FAM120AOS: variants seen among roughly 807,000 people sequenced by gnomAD.
FAM120AOS encodes the protein family with sequence similarity 120 member A opposite strand.
Under a neutral mutation model 20.2 loss-of-function variants are expected in FAM120AOS, and 15 were observed. That is an observed-to-expected ratio of 0.74 (90% CI 0.50 to 1.15). FAM120AOS has a LOEUF of 1.15. Ranked by LOEUF, FAM120AOS falls within the 50% of genes most tolerant of loss-of-function variation. The pLI is 0.00. For synonymous variants in FAM120AOS, 154 were observed against 154.0 expected, an observed-to-expected ratio of 1.00 and a Z score of 0.00; for missense variants, 327 against 351.9, an observed-to-expected ratio of 0.93 and a Z score of 0.57.
intron 2 of FAM120AOS, 136 bp downstream of exon 2, chr9:93,450,343 G>T: frequency 1.5e-6 from 2 of 1,310,756 alleles, no homozygotes; most frequent in African/African-American, 1.5e-5. Flanking sequence ...TTTATGCATA[G>T]GTGAGTGGCA....
chr9:93,452,697 T>C lies in FAM120AOS; in HGVS notation c.13A>G (p.Lys5Glu). Residue 5 changes from lysine (K) to glutamate (E), a missense_variant, in exon 1 of 3, where the codon AAG becomes GAG. By Grantham distance (56) the Lys-to-Glu change is moderately conservative. Coordinates refer to ENST00000375412, the MANE Select transcript of FAM120AOS (RefSeq NM_198841.4). This position sits in a 1 kb window ranked among gnomAD's most constrained non-coding sequence, Gnocchi z 7.0. MGKT[K>E]DIGDDDTVAS... ...ACAGTGTCATCATCCCCAATATCCTTAGTTTTTCCCATCCTATTTGAGGCG... is the reference window on the plus strand; with the variant it reads ...ACAGTGTCATCATCCCCAATATCCTCAGTTTTTCCCATCCTATTTGAGGCG... 1 of 1,598,542 alleles carries C rather than the reference T, an allele frequency of 6.3e-7. No individual in the cohort carries two copies. The highest frequency in any genetic ancestry group is 8.5e-7 in the Non-Finnish European group (1 of 1,179,860).
chr9:93,446,112 T>C lies in FAM120AOS; in HGVS notation c.*1499A>G, dbSNP rs1856838897. Among the ~76,000 whole-genome samples, 1 of 152,136 alleles carries C rather than the reference T, an allele frequency of 6.6e-6. No individual in the cohort carries two copies. Among genetic ancestry groups the C allele is most frequent in the Non-Finnish European group, 1.5e-5 (1 of 68,028 alleles). On this transcript the variant is annotated 3_prime_UTR_variant, in exon 3 of 3. Transcript: ENST00000375412. Reference sequence around the variant, plus strand: ...CTCTTGTTCCACCCTAAGGATAAAGTATTACAGTAACTTTCTTCCTGCCTT... The same window carrying C: ...CTCTTGTTCCACCCTAAGGATAAAGCATTACAGTAACTTTCTTCCTGCCTT...
At position 93,452,359 on chromosome 9, in the gene FAM120AOS, C is replaced by G; in HGVS notation, c.351G>C (p.Arg117=). 6.2e-7 allele frequency: 1 copy of G among 1,611,434 alleles called. No homozygotes were observed. Among genetic ancestry groups the G allele is most frequent in the Non-Finnish European group, 8.5e-7 (1 of 1,179,328 alleles). ...CGCCCGTCTGCATGGCCCACTGCAT[C>G]CGCCTGGCGCTCATCCGCTTCCACG... ...TLTWKRMSAR[R]MQWAMQTGGR... The change falls in exon 1 of 3, where the codon CGG becomes CGC. Residue 117 remains arginine (R), a synonymous_variant. Transcript: ENST00000375412. This position sits in a 1 kb window ranked among gnomAD's most constrained non-coding sequence, Gnocchi z 7.0.
rs1487722232 is a variant in FAM120AOS, at chr9:93,450,739, T to C, written c.564-140A>G. On this transcript the variant is annotated intron_variant, in intron 1 of 2. Transcript: ENST00000375412. The stretch of plus-strand genomic sequence containing the variant: ...ATGTTTTATGCAAGCCTAATATACA[T>C]ACAGTATCAACCTCATTTTAGAAGC... 3.8e-6 allele frequency: 5 copies of C among 1,314,980 alleles called. No homozygotes were observed. In the Admixed American group the frequency reaches 5.9e-5, roughly 16 times the overall value. The allele number at this position is 1,314,980 out of a possible 1,614,324, so 81.5% of individuals were successfully genotyped here.
rs183232505 is a variant in FAM120AOS, at chr9:93,452,961, C to T, written c.-252G>A. On this transcript the variant is annotated 5_prime_UTR_variant, in exon 1 of 3. Transcript: ENST00000375412. This position sits in a 1 kb window ranked among gnomAD's most constrained non-coding sequence, Gnocchi z 7.0. ...CAGTGCCCTGGCCTCTACTTCAGAA[C>T]GCAGTGCCCTGTCCGTGTTCCTCTT... is the stretch of plus-strand genomic sequence containing the variant. The T allele has an allele frequency of 7.3e-6, 10 of 1,375,244 alleles. No individual in the cohort carries two copies. In the South Asian group the frequency reaches 1.1e-4, roughly 16 times the overall value. 85.2% of individuals were successfully genotyped at this position (1,375,244 alleles called of 1,614,324 possible).
rs1375068584 is a variant in FAM120AOS, at chr9:93,452,648, G to A, written c.62C>T (p.Ala21Val). Residue 21 changes from alanine to valine, a missense_variant, in exon 1 of 3, where the codon GCT becomes GTT. By Grantham distance (64) the Ala-to-Val change is moderately conservative (BLOSUM62 0). Coordinates refer to ENST00000375412, the MANE Select transcript of FAM120AOS (RefSeq NM_198841.4). The surrounding 1 kb of genome is among the most constrained non-coding windows in gnomAD (Gnocchi z 7.0). ...DTVASEFWSG[A>V]LSQPSSVPTR... Reference sequence around the variant, plus strand: ...GGGGACACTTGAGGGCTGGGAGAGAGCCCCGGACCAGAATTCGGAGGCGAC... The same window carrying A: ...GGGGACACTTGAGGGCTGGGAGAGAACCCCGGACCAGAATTCGGAGGCGAC... 1.3e-6 allele frequency: 2 copies of A among 1,598,970 alleles called. No homozygotes were observed. The highest frequency in any genetic ancestry group is 1.7e-6 in the Non-Finnish European group (2 of 1,179,920).
rs773193469 is a variant in FAM120AOS at position 93,452,578 on chromosome 9, C to A, written c.132G>T (p.Trp44Cys). Residue 44 changes from tryptophan (W) to cysteine (C), a missense_variant, in exon 1 of 3, where the codon TGG becomes TGT. Physicochemically the swap from Trp to Cys is radical, Grantham distance 215. Around this residue, in one of 3 missense-constraint regions of FAM120AOS, gnomAD observed 155 missense variants for 128.8 expected, o/e 1.20. Coordinates refer to ENST00000375412, the MANE Select transcript of FAM120AOS (RefSeq NM_198841.4). The surrounding 1 kb of genome is among the most constrained non-coding windows in gnomAD (Gnocchi z 7.0). ...TPNRDSWRRA[W>C]AARGLHPRPS... is the part of the protein sequence containing the mutation. ...GCCGCGGGTGCAGGCCGCGCGCTGC[C>A]CAAGCCCGTCTCCAGCTGTCCCTGT... is the stretch of plus-strand genomic sequence containing the variant. 1 of 1,595,750 alleles carries A rather than the reference C, an allele frequency of 6.3e-7. No homozygotes were observed. The highest frequency in any genetic ancestry group is 1.7e-5 in the Admixed American group (1 of 59,330).
rs1856812254 is a variant in FAM120AOS, at chr9:93,445,366, A to G, written c.*2245T>C. On this transcript the variant is annotated 3_prime_UTR_variant, in exon 3 of 3. Transcript: ENST00000375412. The stretch of plus-strand genomic sequence containing the variant: ...GTTTCCCCATATTAAAGTCAAAGGA[A>G]CTATACTGTTTTCACTGCCAGGCTG... 6.6e-6 allele frequency among the ~76,000 whole-genome samples: 1 copy of G among 152,102 alleles called. No individual in the cohort carries two copies. The highest frequency in any genetic ancestry group is 2.4e-5 in the African/African-American group (1 of 41,416).
chr9:93,452,504 C>T lies in FAM120AOS; in HGVS notation c.206G>A (p.Gly69Glu). The change falls in exon 1 of 3, where the codon GGG becomes GAG. Residue 69 changes from glycine to glutamate, a missense_variant. Gly to Glu is a moderately conservative substitution (Grantham distance 98). Coordinates refer to ENST00000375412, the MANE Select transcript of FAM120AOS (RefSeq NM_198841.4). This position sits in a 1 kb window ranked among gnomAD's most constrained non-coding sequence, Gnocchi z 7.0. ...GPARLSRARA[G>E]GTRCPQRRHG... The stretch of plus-strand genomic sequence containing the variant: ...GCGGCGCTGGGGGCAGCGAGTTCCC[C>T]CAGCCCTTGCCCGGGATAGCCTGGC... 1 of 1,548,000 alleles carries T rather than the reference C, an allele frequency of 6.5e-7. No individual in the cohort carries two copies. The highest frequency in any genetic ancestry group is 1.9e-5 in the Admixed American group (1 of 51,766).
rs549690286 is a variant in FAM120AOS, at chr9:93,453,552, G to A, written c.-843C>T. 1.2e-5 allele frequency: 12 copies of A among 985,418 alleles called. No homozygotes were observed. In the South Asian group the frequency reaches 5.6e-4, roughly 46 times the overall value. The allele number at this position is 985,418 out of a possible 1,614,324, so 61.0% of individuals were successfully genotyped here. On this transcript the variant is annotated 5_prime_UTR_variant, in exon 1 of 3. Coordinates refer to ENST00000375412, the MANE Select transcript of FAM120AOS (RefSeq NM_198841.4). ...TTCTGTCTTCGCGGTTGCCCCCACT[G>A]CCCGCGAGGAGATGGTGGTAGTTAA...
At position 93,445,569 on chromosome 9, in the gene FAM120AOS, T is replaced by C. The variant is rs997084827; in HGVS notation, c.*2042A>G. Reference sequence around the variant, plus strand: ...AGTCTTAATCCTGGTTCTCCAACTTTCATAAAAATCGTTGTTTTTTTTTTT... The same window carrying C: ...AGTCTTAATCCTGGTTCTCCAACTTCCATAAAAATCGTTGTTTTTTTTTTT... On this transcript the variant is annotated 3_prime_UTR_variant, in exon 3 of 3. Transcript: ENST00000375412. 6.7e-6 allele frequency among the ~76,000 whole-genome samples: 1 copy of C among 149,190 alleles called. No homozygotes were observed. The highest frequency in any genetic ancestry group is 2.5e-5 in the African/African-American group (1 of 40,554).
At chr9:93,448,699 G>A (rs1048361847) in intron 2 of FAM120AOS, among the ~76,000 whole-genome samples, 1 of 152,000 alleles carries the variant, frequency 6.6e-6, no homozygotes, top group Non-Finnish European at 1.5e-5. Flanking sequence ...CTCACTGCAA[G>A]CTCCGCCTCC....
chr9:93,451,992 T>C, intron 1 of FAM120AOS, 155 bp downstream of exon 1: 1 of 1,548,428 alleles, frequency 6.5e-7, no homozygotes, highest in Non-Finnish European at 8.7e-7. Context: ...CTGCAGAAGC[T>C]GGCCCGGGGC....
At chr9:93,451,512 C>T in intron 1 of FAM120AOS, 1 of 1,007,124 alleles carries the variant, frequency 9.9e-7, no homozygotes, top group African/African-American at 1.7e-5. Flanking sequence ...CCGTCCCGGC[C>T]CAACTCCGGG....
rs549943912 is a variant in FAM120AOS, at chr9:93,445,002, G to A, written c.*2609C>T. ...GTGAATTTGTGGTATTAAATAAATG[G>A]AAAAAAAGACAAACGGTACAAATTA... is the stretch of plus-strand genomic sequence containing the variant. On this transcript the variant is annotated 3_prime_UTR_variant, in exon 3 of 3. Transcript: ENST00000375412. 2.0e-5 allele frequency among the ~76,000 whole-genome samples: 3 copies of A among 152,156 alleles called. No homozygotes were observed. The highest frequency in any genetic ancestry group is 7.2e-5 in the African/African-American group (3 of 41,534).
In FAM120AOS at chr9:93,452,700, T is replaced by A. The variant is rs1268879431; in HGVS notation, c.10A>T (p.Thr4Ser). Residue 4 changes from threonine to serine, a missense_variant, in exon 1 of 3, where the codon ACT becomes TCT. By Grantham distance (58) the Thr-to-Ser change is moderately conservative. Coordinates refer to ENST00000375412, the MANE Select transcript of FAM120AOS (RefSeq NM_198841.4). The surrounding 1 kb of genome is among the most constrained non-coding windows in gnomAD (Gnocchi z 7.0). MGK[T>S]KDIGDDDTVA... is the part of the protein sequence containing the mutation. The stretch of plus-strand genomic sequence containing the variant: ...GTGTCATCATCCCCAATATCCTTAG[T>A]TTTTCCCATCCTATTTGAGGCGGGC... 1 of 1,598,362 alleles carries A rather than the reference T, an allele frequency of 6.3e-7. No homozygotes were observed. Among genetic ancestry groups the A allele is most frequent in the South Asian group, 1.1e-5 (1 of 91,078 alleles).
rs755033894 is a variant in FAM120AOS, at chr9:93,447,468, T to C, written c.*143A>G. 1.3e-6 allele frequency: 1 copy of C among 758,394 alleles called. No homozygotes were observed. The highest frequency in any genetic ancestry group is 2.2e-6 in the Non-Finnish European group (1 of 450,266). 47.0% of individuals were successfully genotyped at this position (758,394 alleles called of 1,614,324 possible). A position where few individuals can be genotyped will look rare whatever the true frequency, so the allele number is the denominator to read the frequency against. On this transcript the variant is annotated 3_prime_UTR_variant, in exon 3 of 3. Coordinates refer to ENST00000375412, the MANE Select transcript of FAM120AOS (RefSeq NM_198841.4). ...AAGTGGATAAAGACCACTCTAGCTT[T>C]AAAACACCCTCCAATATAGAGAGAA... is the stretch of plus-strand genomic sequence containing the variant.
rs755688003 is a variant in FAM120AOS at position 93,450,552 on chromosome 9, T to C, written c.611A>G (p.Gln204Arg). Residue 204 changes from glutamine to arginine, a missense_variant, in exon 2 of 3, where the codon CAG (glutamine) becomes CGG (arginine). This residue lies in a region of FAM120AOS where 86 missense variants were observed against 82.9 expected (regional missense o/e 1.04). Transcript: ENST00000375412. ...CAGGCTCCATGTGCTGGGCAGCAGC[T>C]GTCCGGCCACAGCCTGTCGGTTGCA... ...AGCNRQAVAG[Q>R]LLPSTWSLHA... 1 of 1,607,396 alleles carries C rather than the reference T, an allele frequency of 6.2e-7. No homozygotes were observed.
At position 93,452,049 on chromosome 9, in the gene FAM120AOS, G is replaced by T; in HGVS notation, c.563+98C>A. On this transcript the variant is annotated intron_variant, in intron 1 of 2. Coordinates refer to ENST00000375412, the MANE Select transcript of FAM120AOS (RefSeq NM_198841.4). The surrounding 1 kb of genome is among the most constrained non-coding windows in gnomAD (Gnocchi z 7.0). ...CAGCGGCCCCCGCAGACCCCGCTGC[G>T]CCTGCTGGTGGACGCCGACAACTGC... 1 of 1,582,198 alleles carries T rather than the reference G, an allele frequency of 6.3e-7. No individual in the cohort carries two copies.
Sources: gnomAD v4.1 joint callset for allele counts (sites outside exome capture counted in the v4.1 genomes callset) on GRCh38, gnomAD v4.1.1 for gene constraint, gnomAD v4.1.1 regional missense constraint, Gnocchi (gnomAD v3.1) non-coding constraint, MANE v1.5 for transcripts, NCBI Gene and HGNC (gene_info 2026-07-23, HGNC 2026-07-21) for gene names.